Variants in VPS8 observed in about 807,000 individuals in gnomAD.
VPS8 encodes VPS8 subunit of CORVET complex, also known as vacuolar protein sorting-associated protein 8 homolog.
Under a neutral mutation model 216.4 loss-of-function variants are expected in VPS8, and 129 were observed. That is an observed-to-expected ratio of 0.60 (90% CI 0.52 to 0.69). The LOEUF (loss-of-function observed/expected upper bound fraction) is 0.69. VPS8 is among the 30% of genes least tolerant of loss of function. The pLI is 0.00. For missense variants in VPS8, 1,531 were observed against 1,683.5 expected (o/e 0.91, Z 1.59); for synonymous variants, 571 against 565.4 (o/e 1.01, Z -0.14).
At chr3:184,906,029 G>T (rs888980866) in intron 25 of VPS8, among the ~76,000 whole-genome samples, 2 of 152,042 alleles carry the variant, frequency 1.3e-5, no homozygotes, top group African/African-American at 4.8e-5. Flanking sequence ...AGCTTTTCAG[G>T]TAGAAGCTCA....
intron 34 of VPS8, 29 bp downstream of exon 34, chr3:184,930,597 C>T (rs1740505897): frequency 4.6e-6 from 7 of 1,516,238 alleles, no homozygotes; most frequent in South Asian, 2.3e-5. Flanking sequence ...TCACACTTCA[C>T]CATCTGAACG....
Position 184,984,183 on chromosome 3 carries a change from C to CAAAAAAAAAAAAAA in VPS8, c.3585+1100_3585+1101insAAAAAAAAAAAAAA, listed in dbSNP as rs1453935100. On this transcript the variant is annotated intron_variant, in intron 42 of 47. Transcript: ENST00000625842. ...TGGGCAACAGAGCGAGACTCCGTCTCAAAAAAAAAAACTCTACTTCCCATC... is the reference window on the plus strand; with the variant it reads ...TGGGCAACAGAGCGAGACTCCGTCTCAAAAAAAAAAAAAAAAAAAAAAAAACTCTACTTCCCATC... 0.02 allele frequency among the ~76,000 whole-genome samples: 58 copies of CAAAAAAAAAAAAAA among 2,886 alleles called. 29 individuals are homozygous for CAAAAAAAAAAAAAA. In the Middle Eastern group the frequency reaches 0.4, roughly 20 times the overall value. The allele number at this position is 2,886 out of a possible 152,430, so 1.9% of individuals were successfully genotyped here.
chr3:184,980,860 A>G (rs1383784344), intron 40 of VPS8, among the ~76,000 whole-genome samples: 1 of 152,152 alleles, frequency 6.6e-6, no homozygotes, highest in Non-Finnish European at 1.5e-5. Flanking sequence ...TTGCTGGGGA[A>G]CTAGTGGGGT....
Position 185,015,995 on chromosome 3 carries a change from T to C in VPS8, c.4003-8341T>C, listed in dbSNP as rs868858028. ...CTTCTCTGGATCTATTCTATTTATT[T>C]GAGCTTTATGGTCTTGCTTTTTGAT... On this transcript the variant is annotated intron_variant, in intron 45 of 47. Transcript: ENST00000625842. 2.0e-4 allele frequency among the ~76,000 whole-genome samples: 30 copies of C among 152,342 alleles called. No homozygotes were observed. The South Asian group carries it at 3.9e-3, about 20-fold the overall frequency.
chr3:185,040,861 A>G, intron 46 of VPS8, among the ~76,000 whole-genome samples: 1 of 152,170 alleles, frequency 6.6e-6, no homozygotes. Flanking sequence ...CCTCCCAAGG[A>G]TAGGCCTCTT....
At chr3:185,004,813 G>C (rs1322304701) in intron 45 of VPS8, among the ~76,000 whole-genome samples, 1 of 152,030 alleles carries the variant, frequency 6.6e-6, no homozygotes, top group Non-Finnish European at 1.5e-5. Context: ...TCTATGGGCT[G>C]TCTGTTTACT....
chr3:184,851,639 T>C (rs1724291063), intron 10 of VPS8, among the ~76,000 whole-genome samples: 1 of 152,284 alleles, frequency 6.6e-6, no homozygotes. Flanking sequence ...CTTCCCACTC[T>C]GGCAACTGCT....
chr3:184,940,496 A>G (rs1008259903), intron 36 of VPS8, among the ~76,000 whole-genome samples: 2 of 152,160 alleles, frequency 1.3e-5, no homozygotes, highest in Non-Finnish European at 2.9e-5. Context: ...TGTAAATAAA[A>G]TAATGAAGCC....
chr3:184,850,893 TAA>T (rs1724130939), intron 10 of VPS8, among the ~76,000 whole-genome samples: 1 of 152,212 alleles, frequency 6.6e-6, no homozygotes. Flanking sequence ...TTAGTAACAA[TAA>T]AAACAACCAA....
At chr3:184,916,593 A>C (rs1737639636) in intron 28 of VPS8, among the ~76,000 whole-genome samples, 1 of 152,194 alleles carries the variant, frequency 6.6e-6, no homozygotes, top group Admixed American at 6.5e-5. Flanking sequence ...GAATTGGTTT[A>C]ATTTGAAAAT....
At chr3:184,862,033 A>C (rs994507656) in intron 15 of VPS8, among the ~76,000 whole-genome samples, 1 of 152,204 alleles carries the variant, frequency 6.6e-6, no homozygotes, top group African/African-American at 2.4e-5. Context: ...ATACAGTAAT[A>C]GAGTGTATTT....
At chr3:184,889,391 A>G (rs1731913129) in intron 22 of VPS8, among the ~76,000 whole-genome samples, 1 of 152,104 alleles carries the variant, frequency 6.6e-6, no homozygotes, top group Admixed American at 6.5e-5. Context: ...TCCTCAGTTC[A>G]GCTCTTCCTG....
intron 36 of VPS8, among the ~76,000 whole-genome samples, chr3:184,951,481 T>TA (rs748553613): frequency 0.014 from 1,858 of 135,712 alleles, 15 homozygotes; most frequent in South Asian, 0.022. Flanking sequence ...TGAGACTGTC[T>TA]AAAAAAAAAA....
intron 21 of VPS8, among the ~76,000 whole-genome samples, chr3:184,873,773 T>A (rs1207289545): frequency 6.6e-6 from 1 of 152,200 alleles, no homozygotes; most frequent in African/African-American, 2.4e-5. Flanking sequence ...TCATTATGAT[T>A]GTTCAACTCT....
chr3:184,949,476 C>T (rs1205696236), intron 36 of VPS8, among the ~76,000 whole-genome samples: 1 of 151,884 alleles, frequency 6.6e-6, no homozygotes, highest in African/African-American at 2.4e-5. Context: ...TTCTGTGCCT[C>T]TTAAAAGTTT....
intron 21 of VPS8, among the ~76,000 whole-genome samples, chr3:184,875,615 C>A (rs1729113337): frequency 6.6e-6 from 1 of 152,008 alleles, no homozygotes; most frequent in African/African-American, 2.4e-5. Flanking sequence ...CAAACAAATT[C>A]TTTTGTTTGC....
Position 184,915,394 on chromosome 3 carries a change from T to G in VPS8, c.2302T>G (p.Ser768Ala). 2 of 1,613,958 alleles carry G rather than the reference T, an allele frequency of 1.2e-6. No individual in the cohort carries two copies. The highest frequency in any genetic ancestry group is 1.7e-6 in the Non-Finnish European group (2 of 1,179,870). Residue 768 changes from serine (S) to alanine (A), a missense_variant, in exon 28 of 48, where the codon TCT becomes GCT. Ser to Ala is a moderately conservative substitution (Grantham distance 99). Coordinates refer to ENST00000625842, the MANE Select transcript of VPS8 (RefSeq NM_001009921.3). ...AATTCGCCTGCATTCAGCAGAGGCT[T>G]CTCCTGAGGAAGAAATCTATCCTTA... ...FLIRLHSAEASPEEEIYPYIR... is the reference protein window; with the variant it reads ...FLIRLHSAEAAPEEEIYPYIR...
chr3:185,005,668 G>A (rs1754146364), intron 45 of VPS8, among the ~76,000 whole-genome samples: 1 of 150,104 alleles, frequency 6.7e-6, no homozygotes. Flanking sequence ...TGCAGCTATT[G>A]TAAAAGGGAT....
chr3:184,936,282 C>G lies in VPS8; in HGVS notation c.2935C>G (p.Leu979Val), dbSNP rs771075788. Reference protein sequence around the residue: ...VSLKPCKAAELVATHFSGHIE... With the variant: ...VSLKPCKAAEVVATHFSGHIE... ...CCTGAAGCCTTGTAAAGCTGCGGAG[C>G]TGGTTGCCACCCACTTTTCTGGACA... Residue 979 changes from leucine (L) to valine (V), a missense_variant, in exon 35 of 48, where the codon CTG (leucine) becomes GTG (valine). Coordinates refer to ENST00000625842, the MANE Select transcript of VPS8 (RefSeq NM_001009921.3). 1.2e-6 allele frequency: 2 copies of G among 1,611,712 alleles called. No homozygotes were observed. Among genetic ancestry groups the G allele is most frequent in the Non-Finnish European group, 1.7e-6 (2 of 1,178,946 alleles).
Sources: gnomAD v4.1 joint callset for allele counts (sites outside exome capture counted in the v4.1 genomes callset) on GRCh38, gnomAD v4.1.1 for gene constraint, MANE v1.5 for transcripts, NCBI Gene and HGNC (gene_info 2026-07-23, HGNC 2026-07-21) for gene names.